The following TRIM33 variants were observed in gnomAD, a reference collection of about 807,000 sequenced individuals.
TRIM33 encodes the protein tripartite motif containing 33, also known as E3 ubiquitin-protein ligase TRIM33.
TRIM33 carries 20 observed loss-of-function variants against 125.4 expected under a neutral mutation model. The ratio of observed to expected loss-of-function variants is 0.16; its 90% confidence interval spans 0.11 to 0.23. The LOEUF (loss-of-function observed/expected upper bound fraction) is 0.23, where lower values mean the gene tolerates loss of function less well. Ranked by LOEUF, TRIM33 falls within the 10% of genes least tolerant of loss-of-function variation. TRIM33 has a pLI of 1.00. For synonymous variants in TRIM33, 564 were observed against 513.9 expected, an observed-to-expected ratio of 1.10 and a Z score of -1.32; for missense variants, 920 against 1,411.4, an observed-to-expected ratio of 0.65 and a Z score of 5.58.
chr1:114,419,745 A>G (rs1174188084), intron 11 of TRIM33, among the ~76,000 whole-genome samples: 1 of 152,188 alleles, frequency 6.6e-6, no homozygotes, highest in African/African-American at 2.4e-5. Context: ...AAATGAGTAA[A>G]TTACAGCTGC....
intron 5 of TRIM33, among the ~76,000 whole-genome samples, chr1:114,432,347 A>G (rs2101191860): frequency 6.6e-6 from 1 of 152,370 alleles, no homozygotes. Flanking sequence ...TTTCTGAGAA[A>G]CAGTCTTCTC....
At chr1:114,412,020 GAAGA>G (rs1369138867) in intron 11 of TRIM33, among the ~76,000 whole-genome samples, 1 of 152,006 alleles carries the variant, frequency 6.6e-6, no homozygotes, top group African/African-American at 2.4e-5. Context: ...ATAATTTACA[GAAGA>G]AATAAAAATA....
At chr1:114,477,864 T>C (rs1454682802) in intron 1 of TRIM33, among the ~76,000 whole-genome samples, 1 of 152,186 alleles carries the variant, frequency 6.6e-6, no homozygotes, top group African/African-American at 2.4e-5. Flanking sequence ...TACAGGACAC[T>C]GCAGTTCTAG....
At chr1:114,439,506 T>C (rs1250110043) in intron 4 of TRIM33, among the ~76,000 whole-genome samples, 1 of 143,730 alleles carries the variant, frequency 7.0e-6, no homozygotes, top group Non-Finnish European at 1.5e-5. Flanking sequence ...ATCTAATCTC[T>C]GTTAATCCTA....
At chr1:114,459,440 T>C (rs1348137907) in intron 4 of TRIM33, among the ~76,000 whole-genome samples, 1 of 152,162 alleles carries the variant, frequency 6.6e-6, no homozygotes, top group Admixed American at 6.5e-5. Context: ...CTTCACCCTA[T>C]GCATCTCTTC....
At chr1:114,481,557 C>T (rs1248631273) in intron 1 of TRIM33, among the ~76,000 whole-genome samples, 1 of 150,980 alleles carries the variant, frequency 6.6e-6, no homozygotes, top group African/African-American at 2.4e-5. Flanking sequence ...CGCCACTGCA[C>T]TCCAGCCTGG....
At chr1:114,509,685 AT>A (rs1653219683) in intron 1 of TRIM33, among the ~76,000 whole-genome samples, 2 of 152,212 alleles carry the variant, frequency 1.3e-5, no homozygotes, top group Non-Finnish European at 2.9e-5. Flanking sequence ...AAACCTGTTC[AT>A]GGATTTCCTT....
chr1:114,397,527 A>C lies in TRIM33; in HGVS notation c.*121T>G, dbSNP rs1035241114. On this transcript the variant is annotated 3_prime_UTR_variant, in exon 20 of 20. Coordinates refer to ENST00000358465, the MANE Select transcript of TRIM33 (RefSeq NM_015906.4). The stretch of plus-strand genomic sequence containing the variant: ...TGTGTAAAAGCTATCAGCTTCTTCA[A>C]GGAGGTGCCCACTGTAGGCAGGATA... 2.9e-6 allele frequency: 2 copies of C among 679,632 alleles called. No individual in the cohort carries two copies. Among genetic ancestry groups the C allele is most frequent in the Admixed American group, 5.6e-5 (2 of 35,888 alleles). 42.1% of individuals were successfully genotyped at this position (679,632 alleles called of 1,614,324 possible).
intron 1 of TRIM33, among the ~76,000 whole-genome samples, chr1:114,493,141 T>C (rs568847173): frequency 6.6e-6 from 1 of 152,330 alleles, no homozygotes; most frequent in Non-Finnish European, 1.5e-5. Context: ...ACATTTCTCT[T>C]AATAACAAAC....
chr1:114,483,815 A>G (rs1408691003), intron 1 of TRIM33, among the ~76,000 whole-genome samples: 1 of 152,202 alleles, frequency 6.6e-6, no homozygotes, highest in Non-Finnish European at 1.5e-5. Flanking sequence ...AGAGGCCAAT[A>G]TCACCCTGTT....
chr1:114,427,609 G>A, intron 7 of TRIM33, 139 bp downstream of exon 7: 4 of 802,276 alleles, frequency 5.0e-6, no homozygotes, highest in Non-Finnish European at 7.5e-6. Flanking sequence ...TTTGGGGGGT[G>A]GTGGAAGTTT....
chr1:114,509,128 T>G (rs1165927598), intron 1 of TRIM33, among the ~76,000 whole-genome samples: 1 of 152,160 alleles, frequency 6.6e-6, no homozygotes, highest in Non-Finnish European at 1.5e-5. Flanking sequence ...TCAAGTGCCC[T>G]AAGTGATCTT....
chr1:114,399,328 A>G, intron 18 of TRIM33, 129 bp downstream of exon 18: 1 of 729,390 alleles, frequency 1.4e-6, no homozygotes, highest in Admixed American at 3.3e-5. Context: ...TAATACAATC[A>G]GATGTTACTT....
chr1:114,489,256 T>C (rs1651901424), intron 1 of TRIM33, among the ~76,000 whole-genome samples: 1 of 152,180 alleles, frequency 6.6e-6, no homozygotes, highest in Non-Finnish European at 1.5e-5. Flanking sequence ...AACTAGATCT[T>C]TACCTCACAA....
At chr1:114,494,529 C>T (rs955671924) in intron 1 of TRIM33, among the ~76,000 whole-genome samples, 1 of 151,230 alleles carries the variant, frequency 6.6e-6, no homozygotes, top group East Asian at 2.0e-4. Context: ...AACTGCTAGG[C>T]AAGCCATAAA....
At position 114,395,545 on chromosome 1, in the gene TRIM33, C is replaced by T. The variant is rs867325373; in HGVS notation, c.*2103G>A. On this transcript the variant is annotated 3_prime_UTR_variant, in exon 20 of 20. Coordinates refer to ENST00000358465, the MANE Select transcript of TRIM33 (RefSeq NM_015906.4). Reference sequence around the variant, plus strand: ...GGCCTGACAAAATGAAGTTATACTGCTGCTATTCCTCACTTTCCAAAAATG... The same window carrying T: ...GGCCTGACAAAATGAAGTTATACTGTTGCTATTCCTCACTTTCCAAAAATG... The T allele has an allele frequency of 4.9e-6, 1 of 202,040 alleles. No homozygotes were observed. The allele number at this position is 202,040 out of a possible 1,614,324, so 12.5% of individuals were successfully genotyped here. A position where few individuals can be genotyped will look rare whatever the true frequency, so the allele number is the denominator to read the frequency against.
Position 114,425,441 on chromosome 1 carries a change from A to T in TRIM33, c.1695+8T>A, listed in dbSNP as rs1460656715. On this transcript the variant is annotated splice_region_variant and intron_variant, in intron 9 of 19. Transcript: ENST00000358465. ...TTTCTATCAATAATGTAGTAACACGATACTTACCTGTTGTTGTAACATCTG... is the reference window on the plus strand; with the variant it reads ...TTTCTATCAATAATGTAGTAACACGTTACTTACCTGTTGTTGTAACATCTG... The T allele has an allele frequency of 6.2e-7, 1 of 1,613,466 alleles. No homozygotes were observed. Among genetic ancestry groups the T allele is most frequent in the Admixed American group, 1.7e-5 (1 of 60,002 alleles).
chr1:114,401,129 CG>C (rs1425124567), intron 17 of TRIM33, among the ~76,000 whole-genome samples: 7 of 151,844 alleles, frequency 4.6e-5, no homozygotes, highest in African/African-American at 1.7e-4. Context: ...CTCCGCCTCC[CG>C]GGTTCATGCC....
At chr1:114,408,604 T>C in intron 13 of TRIM33, 73 bp downstream of exon 13, 1 of 963,106 alleles carries the variant, frequency 1.0e-6, no homozygotes, top group South Asian at 1.5e-5. Context: ...TTCACTGTAA[T>C]ATTCTACTTT....
Sources: allele counts gnomAD v4.1 joint callset (sites outside exome capture counted in the v4.1 genomes callset), GRCh38; gene constraint gnomAD v4.1.1; transcripts MANE v1.5; gene names NCBI Gene and HGNC (gene_info 2026-07-23, HGNC 2026-07-21).